SLC30A10: variants seen among roughly 807,000 people sequenced by gnomAD.
SLC30A10 encodes calcium/manganese antiporter SLC30A10.
SLC30A10 carries 8 observed loss-of-function variants against 21.7 expected under a neutral mutation model. The ratio of observed to expected loss-of-function variants is 0.37; its 90% confidence interval spans 0.22 to 0.67. The LOEUF (loss-of-function observed/expected upper bound fraction) is 0.67, where lower values mean the gene tolerates loss of function less well. Ranked by LOEUF, SLC30A10 falls within the 30% of genes least tolerant of loss-of-function variation. SLC30A10 has a pLI of 0.58. For synonymous variants in SLC30A10, 272 were observed against 279.4 expected, an observed-to-expected ratio of 0.97 and a Z score of 0.26; for missense variants, 521 against 642.5, an observed-to-expected ratio of 0.81 and a Z score of 2.04.
At chr1:219,936,597 A>G (rs1285185036) in intron 1 of SLC30A10, among the ~76,000 whole-genome samples, 1 of 152,080 alleles carries the variant, frequency 6.6e-6, no homozygotes, top group Non-Finnish European at 1.5e-5. Flanking sequence ...CTTCTTTCGG[A>G]ATTTTTCAAA....
chr1:219,927,155 C>CA lies in SLC30A10; in HGVS notation c.641-51dup, dbSNP rs576957427. 7.5e-4 allele frequency: 1,171 copies of CA among 1,555,290 alleles called. 2 individuals are homozygous for CA. Among genetic ancestry groups the CA allele is most frequent in the South Asian group, 1.9e-3 (168 of 87,862 alleles). ...GTTGTGTATAAGTTCTACAAACAAA[C>CA]AAAAAAAAACCAATGGACTCAAAAT... On this transcript the variant is annotated intron_variant, in intron 1 of 3. Coordinates refer to ENST00000366926, the MANE Select transcript of SLC30A10 (RefSeq NM_018713.3).
intron 1 of SLC30A10, among the ~76,000 whole-genome samples, chr1:219,944,531 T>C (rs1660163922): frequency 1.3e-5 from 2 of 152,148 alleles, no homozygotes; most frequent in African/African-American, 2.4e-5. Context: ...AAAGAAAGTA[T>C]TTTATCTGAA....
rs1312285708 is a variant in SLC30A10, at chr1:219,914,625, T to A, written c.*824A>T. 6.6e-6 allele frequency: 1 copy of A among 152,150 alleles called. No homozygotes were observed. The highest frequency in any genetic ancestry group is 1.9e-4 in the East Asian group (1 of 5,192). The allele number at this position is 152,150 out of a possible 1,614,324, so 9.4% of individuals were successfully genotyped here. ...AACGAAATTTGGAAAAATAAGTAAATCATTATCAAAGCACTAAATGAAAAC... is the reference window on the plus strand; with the variant it reads ...AACGAAATTTGGAAAAATAAGTAAAACATTATCAAAGCACTAAATGAAAAC... On this transcript the variant is annotated 3_prime_UTR_variant, in exon 4 of 4. Transcript: ENST00000366926.
At position 219,911,395 on chromosome 1, in the gene SLC30A10, G is replaced by A. The variant is rs950764380; in HGVS notation, c.*4054C>T. Reference sequence around the variant, plus strand: ...AATTAACATCATCAAGTTTAAAATCGATCATTTTAAATATGAAGGAGATTT... The same window carrying A: ...AATTAACATCATCAAGTTTAAAATCAATCATTTTAAATATGAAGGAGATTT... On this transcript the variant is annotated 3_prime_UTR_variant, in exon 4 of 4. Transcript: ENST00000366926. Among the ~76,000 whole-genome samples, 3 of 151,538 alleles carry A rather than the reference G, an allele frequency of 2.0e-5. No homozygotes were observed. The highest frequency in any genetic ancestry group is 7.3e-5 in the African/African-American group (3 of 41,240).
intron 1 of SLC30A10, among the ~76,000 whole-genome samples, chr1:219,948,683 A>G (rs1267094070): frequency 6.6e-6 from 1 of 152,236 alleles, no homozygotes; most frequent in Non-Finnish European, 1.5e-5. Context: ...ATGCATTACC[A>G]TTAAGGACAT....
At chr1:219,951,127 A>G (rs1660262662) in intron 1 of SLC30A10, among the ~76,000 whole-genome samples, 1 of 151,736 alleles carries the variant, frequency 6.6e-6, no homozygotes, top group Non-Finnish European at 1.5e-5. Flanking sequence ...CATCTGGCTA[A>G]TTTTTCTTAT....
chr1:219,931,606 G>A (rs912263984), upstream of SLC30A10, among the ~76,000 whole-genome samples: 9 of 151,994 alleles, frequency 5.9e-5, no homozygotes, highest in Non-Finnish European at 8.8e-5. Context: ...TCAGCCTCCC[G>A]AGTAGCTGGG....
intron 1 of SLC30A10, among the ~76,000 whole-genome samples, chr1:219,952,340 GT>G (rs1660282476): frequency 6.6e-6 from 1 of 152,190 alleles, no homozygotes; most frequent in South Asian, 2.1e-4. Flanking sequence ...GGTTTAGAAA[GT>G]TTAAGTGACT....
intron 1 of SLC30A10, among the ~76,000 whole-genome samples, chr1:219,941,120 G>A (rs1660114926): frequency 1.3e-5 from 2 of 152,212 alleles, no homozygotes; most frequent in Admixed American, 6.5e-5. Flanking sequence ...CCTGAGAGGA[G>A]AAGGAGAACA....
intron 2 of SLC30A10, among the ~76,000 whole-genome samples, chr1:219,919,471 GT>G (rs1476214660): frequency 1.3e-5 from 2 of 151,968 alleles, no homozygotes; most frequent in Non-Finnish European, 2.9e-5. Flanking sequence ...CTGAACCTGC[GT>G]TTTAAAAAGA....
Position 219,918,598 on chromosome 1 carries a change from G to A in SLC30A10, c.719-104C>T. 6.9e-7 allele frequency: 1 copy of A among 1,453,198 alleles called. No individual in the cohort carries two copies. The highest frequency in any genetic ancestry group is 2.4e-4 in the Middle Eastern group (1 of 4,170). 90.0% of individuals were successfully genotyped at this position (1,453,198 alleles called of 1,614,324 possible). On this transcript the variant is annotated intron_variant, in intron 2 of 3. Coordinates refer to ENST00000366926, the MANE Select transcript of SLC30A10 (RefSeq NM_018713.3). This position sits in a 1 kb window ranked among gnomAD's most constrained non-coding sequence, Gnocchi z 4.4. ...ATATGAATATCTGTTACCATTTGGA[G>A]TTTTTTGGTTTTTGTTTTGGTTAGA...
Position 219,915,428 on chromosome 1 carries a change from T to C in SLC30A10, c.*21A>G, listed in dbSNP as rs765457315. On this transcript the variant is annotated 3_prime_UTR_variant, in exon 4 of 4. Transcript: ENST00000366926. ...GTTCCAAAGTGCCTCGTCTATATGGTCTGATTATGTGAGTACCAGATTAAA... is the reference window on the plus strand; with the variant it reads ...GTTCCAAAGTGCCTCGTCTATATGGCCTGATTATGTGAGTACCAGATTAAA... The C allele has an allele frequency of 2.5e-6, 4 of 1,601,740 alleles. No homozygotes were observed. Among genetic ancestry groups the C allele is most frequent in the Non-Finnish European group, 3.4e-6 (4 of 1,173,978 alleles).
intron 1 of SLC30A10, among the ~76,000 whole-genome samples, chr1:219,944,453 CA>C (rs898777190): frequency 6.6e-6 from 1 of 150,554 alleles, no homozygotes; most frequent in African/African-American, 2.5e-5. Context: ...GTCTCAAAAA[CA>C]AAACAAAACA....
upstream of SLC30A10, among the ~76,000 whole-genome samples, chr1:219,932,544 T>C (rs1237290030): frequency 1.3e-5 from 2 of 152,090 alleles, no homozygotes; most frequent in Admixed American, 6.6e-5. Flanking sequence ...CAAATTCTTA[T>C]TGTGGATGAA....
chr1:219,914,938 G>A lies in SLC30A10; in HGVS notation c.*511C>T, dbSNP rs2102523715. On this transcript the variant is annotated 3_prime_UTR_variant, in exon 4 of 4. Coordinates refer to ENST00000366926, the MANE Select transcript of SLC30A10 (RefSeq NM_018713.3). ...ATTCATTTTATATTTATTCAAAAATGAATCAAAGAAAAAAGATATTTCTTC... is the reference window on the plus strand; with the variant it reads ...ATTCATTTTATATTTATTCAAAAATAAATCAAAGAAAAAAGATATTTCTTC... The A allele has an allele frequency of 6.5e-6, 1 of 153,596 alleles. No homozygotes were observed. Among genetic ancestry groups the A allele is most frequent in the Middle Eastern group, 3.4e-3 (1 of 294 alleles). 9.5% of individuals were successfully genotyped at this position (153,596 alleles called of 1,614,324 possible).
intron 1 of SLC30A10, among the ~76,000 whole-genome samples, chr1:219,944,016 C>A (rs935319563): frequency 6.7e-6 from 1 of 148,798 alleles, no homozygotes; most frequent in African/African-American, 2.5e-5. Context: ...AGGAGAATGG[C>A]GTGAACCCAG....
At chr1:219,949,325 C>T (rs1157959164) in intron 1 of SLC30A10, among the ~76,000 whole-genome samples, 1 of 151,944 alleles carries the variant, frequency 6.6e-6, no homozygotes, top group African/African-American at 2.4e-5. Flanking sequence ...TATTGCGGCA[C>T]TATTCACAAT....
chr1:219,918,943 T>C lies in SLC30A10; in HGVS notation c.719-449A>G, dbSNP rs1659612166. On this transcript the variant is annotated intron_variant, in intron 2 of 3. Transcript: ENST00000366926. The surrounding 1 kb of genome is among the most constrained non-coding windows in gnomAD (Gnocchi z 4.4). Reference sequence around the variant, plus strand: ...TGTTTAAAACAAATTGTCTTTTTTCTACCTTGATCCACTTTCCCCTTTCCC... The same window carrying C: ...TGTTTAAAACAAATTGTCTTTTTTCCACCTTGATCCACTTTCCCCTTTCCC... 1 of 153,962 alleles carries C rather than the reference T, an allele frequency of 6.5e-6. No homozygotes were observed. Among genetic ancestry groups the C allele is most frequent in the African/African-American group, 2.4e-5 (1 of 41,544 alleles). The allele number at this position is 153,962 out of a possible 1,614,324, so 9.5% of individuals were successfully genotyped here.
chr1:219,919,204 G>C (rs1051339035), intron 2 of SLC30A10, among the ~76,000 whole-genome samples: 7 of 152,206 alleles, frequency 4.6e-5, no homozygotes, highest in Non-Finnish European at 1.0e-4. Flanking sequence ...CCTCAGCAAA[G>C]ATTTGAGTGC....
Sources: allele counts gnomAD v4.1 joint callset (sites outside exome capture counted in the v4.1 genomes callset), GRCh38; gene constraint gnomAD v4.1.1; non-coding constraint Gnocchi (gnomAD v3.1); transcripts MANE v1.5; gene names NCBI Gene and HGNC (gene_info 2026-07-23, HGNC 2026-07-21).